Variants in TENM2 observed in about 807,000 individuals in gnomAD.
TENM2 encodes the protein teneurin-2.
A neutral mutation model predicts 245.2 loss-of-function variants in TENM2; 52 were observed. That is an observed-to-expected ratio of 0.21 (90% CI 0.17 to 0.27). TENM2 has a LOEUF of 0.27. TENM2 is among the 10% of genes least tolerant of loss of function. The pLI, the probability that TENM2 is intolerant of heterozygous loss-of-function variation, is 1.00. For missense variants in TENM2, 3,046 were observed against 3,666.8 expected (o/e 0.83, Z 4.37); for synonymous variants, 1,363 against 1,438.9 (o/e 0.95, Z 1.19).
intron 15 of TENM2, 22 bp downstream of exon 17, chr5:168,195,317 G>T: frequency 6.4e-7 from 1 of 1,564,468 alleles, no homozygotes. Flanking sequence ...TGTGGGGCTC[G>T]GACCTACTCA....
At chr5:167,775,346 A>G (rs965191137) in intron 2 of TENM2, among the ~76,000 whole-genome samples, 1 of 152,146 alleles carries the variant, frequency 6.6e-6, no homozygotes, top group Non-Finnish European at 1.5e-5. Context: ...GTCGGATGGA[A>G]TTTCTCTCTT....
chr5:167,691,842 G>A (rs1008437061), intron 2 of TENM2, among the ~76,000 whole-genome samples: 11 of 152,132 alleles, frequency 7.2e-5, no homozygotes, highest in Middle Eastern at 3.2e-3. Flanking sequence ...AGAGAGGTTG[G>A]GGGCATAGCC....
chr5:167,048,083 C>A, the TENM2 span, among the ~76,000 whole-genome samples: 2 of 151,822 alleles, frequency 1.3e-5, no homozygotes, highest in South Asian at 4.2e-4. Context: ...AAGAAATTTT[C>A]AAAAAAAATC....
chr5:167,184,374 T>C, the TENM2 span, among the ~76,000 whole-genome samples: 1 of 152,220 alleles, frequency 6.6e-6, no homozygotes, highest in Non-Finnish European at 1.5e-5. Flanking sequence ...GAGGACCTTA[T>C]ACCAAGTTAG....
chr5:167,070,242 C>G, the TENM2 span, among the ~76,000 whole-genome samples: 1 of 150,254 alleles, frequency 6.7e-6, no homozygotes, highest in South Asian at 2.1e-4. Context: ...CTCAGCCTCC[C>G]GAGTAGCTGG....
intron 12 of TENM2, among the ~76,000 whole-genome samples, chr5:168,127,794 A>G (rs1278217750): frequency 6.6e-6 from 1 of 152,160 alleles, no homozygotes; most frequent in African/African-American, 2.4e-5. Context: ...TAATTAGATC[A>G]AGCCTAGGAT....
intron 27 of TENM2, among the ~76,000 whole-genome samples, chr5:168,256,127 T>C (rs1767634526): frequency 6.6e-6 from 1 of 152,012 alleles, no homozygotes; most frequent in African/African-American, 2.4e-5. Flanking sequence ...TTAATGGATT[T>C]ACCTAAATGG....
chr5:167,945,917 A>C (rs190904979), intron 3 of TENM2, among the ~76,000 whole-genome samples: 2 of 151,918 alleles, frequency 1.3e-5, no homozygotes, highest in Admixed American at 1.3e-4. Flanking sequence ...CTACAACTTG[A>C]CTCACTCCTT....
intron 2 of TENM2, among the ~76,000 whole-genome samples, chr5:167,620,139 G>A (rs1778065522): frequency 6.6e-6 from 1 of 152,102 alleles, no homozygotes; most frequent in Admixed American, 6.6e-5. Context: ...GTTATGCAGG[G>A]CAGCCTGAGC....
intron 2 of TENM2, among the ~76,000 whole-genome samples, chr5:167,645,010 T>C (rs1165445272): frequency 6.6e-6 from 1 of 152,218 alleles, no homozygotes; most frequent in African/African-American, 2.4e-5. Context: ...GTTATTGTAC[T>C]GAATACTGGA....
At chr5:167,016,585 A>G in the TENM2 span, among the ~76,000 whole-genome samples, 2 of 152,368 alleles carry the variant, frequency 1.3e-5, no homozygotes, top group East Asian at 1.9e-4. Flanking sequence ...TGTGATATCT[A>G]CATAAAATGG....
At chr5:167,608,125 C>T (rs571699319) in intron 2 of TENM2, among the ~76,000 whole-genome samples, 8 of 152,218 alleles carry the variant, frequency 5.3e-5, no homozygotes, top group South Asian at 2.1e-4. Context: ...CCCAATGTCG[C>T]GCTAATGCTT....
intron 2 of TENM2, among the ~76,000 whole-genome samples, chr5:167,726,001 C>G (rs995101583): frequency 6.6e-5 from 10 of 152,190 alleles, no homozygotes; most frequent in African/African-American, 2.2e-4. Flanking sequence ...TACACACCTT[C>G]TAGAGGTATC....
chr5:167,814,309 C>A (rs1440127691), intron 2 of TENM2, among the ~76,000 whole-genome samples: 1 of 151,926 alleles, frequency 6.6e-6, no homozygotes, highest in East Asian at 1.9e-4. Flanking sequence ...TGAAAAGTAG[C>A]ACGTAGGCTC....
chr5:167,278,876 C>T, the TENM2 span, among the ~76,000 whole-genome samples: 44 of 152,278 alleles, frequency 2.9e-4, no homozygotes, highest in East Asian at 5.2e-3. Context: ...TCCACATTCT[C>T]GCTAACTCTT....
chr5:167,095,204 G>A, the TENM2 span, among the ~76,000 whole-genome samples: 2 of 152,296 alleles, frequency 1.3e-5, no homozygotes, highest in African/African-American at 4.8e-5. Context: ...GATGACCGTA[G>A]ATGTTATGAT....
At chr5:167,211,084 T>A in the TENM2 span, among the ~76,000 whole-genome samples, 30 of 152,282 alleles carry the variant, frequency 2.0e-4, no homozygotes, top group Admixed American at 9.2e-4. Flanking sequence ...TGGAAAAACT[T>A]TAAGATCTCA....
At chr5:168,177,311 TG>T (rs1759450203) in intron 13 of TENM2, among the ~76,000 whole-genome samples, 1 of 152,256 alleles carries the variant, frequency 6.6e-6, no homozygotes, top group African/African-American at 2.4e-5. Context: ...CAAGTCCTTC[TG>T]CATACAGTTT....
the TENM2 span, among the ~76,000 whole-genome samples, chr5:167,278,619 C>G: frequency 2.0e-5 from 3 of 152,188 alleles, no homozygotes; most frequent in South Asian, 6.2e-4. Flanking sequence ...GTAGTTGCTG[C>G]ATTGTACATA....
Sources: gnomAD v4.1 joint callset for allele counts (sites outside exome capture counted in the v4.1 genomes callset) on GRCh38, gnomAD v4.1.1 for gene constraint, MANE v1.5 for transcripts, NCBI Gene and HGNC (gene_info 2026-07-23, HGNC 2026-07-21) for gene names.